SCHIP1: variants seen among roughly 807,000 people sequenced by gnomAD.
SCHIP1 encodes schwannomin interacting protein 1.
A neutral mutation model predicts 29.7 loss-of-function variants in SCHIP1; 8 were observed. That is an observed-to-expected ratio of 0.27 (90% CI 0.16 to 0.49). The LOEUF is 0.49. Ranked by LOEUF, SCHIP1 falls within the 20% of genes least tolerant of loss-of-function variation. The pLI is 0.99. For missense variants in SCHIP1, 193 were observed against 294.6 expected (o/e 0.66, Z 2.52); for synonymous variants, 76 against 94.9 (o/e 0.80, Z 1.16).
At chr3:159,693,327 G>A in the SCHIP1 span, among the ~76,000 whole-genome samples, 1 of 152,006 alleles carries the variant, frequency 6.6e-6, no homozygotes, top group African/African-American at 2.4e-5. Flanking sequence ...TTCTTCCAAG[G>A]ATAAAATATA....
At chr3:159,379,912 T>C in the SCHIP1 span, among the ~76,000 whole-genome samples, 4,180 of 152,252 alleles carry the variant, frequency 0.027, 79 homozygotes, top group East Asian at 0.11. Context: ...AAATCAAGAA[T>C]GCTGTGGCCC....
chr3:159,603,051 G>A, the SCHIP1 span, among the ~76,000 whole-genome samples: 3 of 152,130 alleles, frequency 2.0e-5, no homozygotes, highest in African/African-American at 7.2e-5. Flanking sequence ...CTGACTGACT[G>A]GCTGTAAATC....
the SCHIP1 span, among the ~76,000 whole-genome samples, chr3:159,385,589 CCAAAA>C: frequency 3.0e-5 from 2 of 67,428 alleles, no homozygotes; most frequent in Non-Finnish European, 6.8e-5. Flanking sequence ...AAAAAAAAAA[CCAAAA>C]AAAAAAAAAA....
upstream of SCHIP1, among the ~76,000 whole-genome samples, chr3:159,837,733 AAAG>A (rs1266457635): frequency 3.2e-4 from 49 of 152,126 alleles, no homozygotes; most frequent in Non-Finnish European, 3.5e-4. Flanking sequence ...AAAAAAAAAA[AAAG>A]AATTCCAGAA....
chr3:159,503,648 A>G, the SCHIP1 span, among the ~76,000 whole-genome samples: 1 of 152,162 alleles, frequency 6.6e-6, no homozygotes, highest in African/African-American at 2.4e-5. Flanking sequence ...TGTTAATGAC[A>G]TGGCTCTCAG....
chr3:159,622,087 T>G, the SCHIP1 span, among the ~76,000 whole-genome samples: 2 of 152,210 alleles, frequency 1.3e-5, no homozygotes, highest in African/African-American at 4.8e-5. Flanking sequence ...GTGTAAATAG[T>G]TCCAGAGATT....
At chr3:159,559,561 T>A in the SCHIP1 span, among the ~76,000 whole-genome samples, 1 of 152,228 alleles carries the variant, frequency 6.6e-6, no homozygotes, top group Non-Finnish European at 1.5e-5. Context: ...AATGCAAAAT[T>A]TACATGTAAT....
chr3:159,406,771 T>A, the SCHIP1 span, among the ~76,000 whole-genome samples: 1 of 152,212 alleles, frequency 6.6e-6, no homozygotes, highest in Non-Finnish European at 1.5e-5. Flanking sequence ...GTAAATTTTT[T>A]ATTAATTTTC....
intron 2 of SCHIP1, among the ~76,000 whole-genome samples, chr3:159,877,061 A>G (rs949816691): frequency 1.3e-5 from 2 of 152,136 alleles, no homozygotes; most frequent in African/African-American, 4.8e-5. Flanking sequence ...ATACATCCCT[A>G]TTTTAGGCTG....
chr3:159,804,010 G>A, the SCHIP1 span, among the ~76,000 whole-genome samples: 1 of 152,136 alleles, frequency 6.6e-6, no homozygotes, highest in Non-Finnish European at 1.5e-5. Flanking sequence ...CCTGCATCAC[G>A]ATGGCCTCAC....
At chr3:159,506,150 G>A in the SCHIP1 span, among the ~76,000 whole-genome samples, 2 of 152,022 alleles carry the variant, frequency 1.3e-5, no homozygotes, top group African/African-American at 2.4e-5. Context: ...TGACTTTTTA[G>A]TGATTGCCAT....
the SCHIP1 span, among the ~76,000 whole-genome samples, chr3:159,663,372 AAGC>A: frequency 2.6e-5 from 4 of 152,112 alleles, no homozygotes; most frequent in Admixed American, 2.0e-4. Context: ...CTCCCACAAG[AAGC>A]AGAAGACAGA....
At chr3:159,767,584 A>C in the SCHIP1 span, among the ~76,000 whole-genome samples, 1 of 152,220 alleles carries the variant, frequency 6.6e-6, no homozygotes, top group South Asian at 2.1e-4. Flanking sequence ...GCATTAATAC[A>C]CACCACTAGG....
chr3:159,395,032 G>A, the SCHIP1 span, among the ~76,000 whole-genome samples: 9 of 152,106 alleles, frequency 5.9e-5, 1 homozygote, highest in South Asian at 1.7e-3. Flanking sequence ...CTTATTCCTT[G>A]TTTAGTCTTG....
chr3:159,839,801 C>G (rs1435726647), upstream of SCHIP1: 23 of 978,368 alleles, frequency 2.4e-5, no homozygotes, highest in Non-Finnish European at 2.7e-5. Flanking sequence ...TAGAATGTTT[C>G]CACATCAGTT....
the SCHIP1 span, among the ~76,000 whole-genome samples, chr3:159,496,688 T>C: frequency 5.9e-5 from 9 of 152,154 alleles, no homozygotes; most frequent in African/African-American, 1.9e-4. Context: ...ATTGTGGAAG[T>C]CAGTGTGGCG....
the SCHIP1 span, among the ~76,000 whole-genome samples, chr3:159,669,562 GCA>G: frequency 6.6e-6 from 1 of 152,194 alleles, no homozygotes; most frequent in African/African-American, 2.4e-5. Context: ...CAGATTTTAT[GCA>G]CAGATCTTTT....
At chr3:159,645,329 A>C in the SCHIP1 span, among the ~76,000 whole-genome samples, 1 of 152,066 alleles carries the variant, frequency 6.6e-6, no homozygotes, top group South Asian at 2.1e-4. Context: ...CAACATATCC[A>C]AGCTCCTTGG....
At chr3:159,477,920 C>CTTTTCT in the SCHIP1 span, among the ~76,000 whole-genome samples, 8 of 98,288 alleles carry the variant, frequency 8.1e-5, no homozygotes, top group South Asian at 3.9e-4. Context: ...CATTTTAAAT[C>CTTTTCT]TTTTTTTTTT....
Sources: allele counts gnomAD v4.1 joint callset (sites outside exome capture counted in the v4.1 genomes callset), GRCh38; gene constraint gnomAD v4.1.1; transcripts MANE v1.5; gene names NCBI Gene and HGNC (gene_info 2026-07-23, HGNC 2026-07-21).